Variants in CTNND2 observed in about 807,000 individuals in gnomAD.
CTNND2 encodes catenin delta 2.
In CTNND2, 22 loss-of-function variants were observed where a neutral mutation model predicts 144.4. The ratio of observed to expected loss-of-function variants is 0.15; its 90% CI spans 0.11 to 0.22. CTNND2 has a LOEUF of 0.22. Ranked by LOEUF, CTNND2 falls within the 10% of genes least tolerant of loss-of-function variation. The pLI, the probability that CTNND2 is intolerant of heterozygous loss-of-function variation, is 1.00. For synonymous variants in CTNND2, 751 were observed against 695.6 expected, an observed-to-expected ratio of 1.08 and a Z score of -1.25; for missense variants, 1,353 against 1,618.8, an observed-to-expected ratio of 0.84 and a Z score of 2.82.
chr5:11,756,045 T>C (rs956314183), intron 1 of CTNND2, among the ~76,000 whole-genome samples: 9 of 151,700 alleles, frequency 5.9e-5, no homozygotes, highest in Admixed American at 1.3e-4. Context: ...GTTCTTGTTG[T>C]GGTCTTTCTC....
chr5:11,574,050 A>C (rs1043466727), intron 2 of CTNND2, among the ~76,000 whole-genome samples: 1 of 152,144 alleles, frequency 6.6e-6, no homozygotes, highest in Non-Finnish European at 1.5e-5. Flanking sequence ...ACTCTATCAC[A>C]ATAATCTCTA....
chr5:11,792,373 G>A (rs1220325689), intron 1 of CTNND2, among the ~76,000 whole-genome samples: 1 of 152,100 alleles, frequency 6.6e-6, no homozygotes, highest in Non-Finnish European at 1.5e-5. Flanking sequence ...ATGATTGTTA[G>A]CATAAATTTG....
intron 15 of CTNND2, among the ~76,000 whole-genome samples, chr5:11,092,184 T>TA (rs1750844885): frequency 6.6e-6 from 1 of 152,200 alleles, no homozygotes. Flanking sequence ...AGTGTCTTAC[T>TA]AAAAAACCCC....
chr5:11,520,969 C>G (rs1195797568), intron 3 of CTNND2, among the ~76,000 whole-genome samples: 1 of 152,122 alleles, frequency 6.6e-6, no homozygotes, highest in Non-Finnish European at 1.5e-5. Context: ...AAATAAATCA[C>G]GTTGTGCTAT....
chr5:11,147,525 T>C (rs942475396), intron 12 of CTNND2, among the ~76,000 whole-genome samples: 1 of 152,116 alleles, frequency 6.6e-6, no homozygotes, highest in African/African-American at 2.4e-5. Flanking sequence ...AGGCCAGCTA[T>C]GTCCACACAG....
chr5:11,505,670 A>G (rs750620122), intron 3 of CTNND2, among the ~76,000 whole-genome samples: 3 of 152,172 alleles, frequency 2.0e-5, no homozygotes, highest in Non-Finnish European at 4.4e-5. Context: ...CCATCTGCCC[A>G]TATCTTTTTT....
intron 7 of CTNND2, among the ~76,000 whole-genome samples, chr5:11,380,617 C>T (rs1758385767): frequency 6.6e-6 from 1 of 152,152 alleles, no homozygotes; most frequent in Admixed American, 6.5e-5. Context: ...ATCCAGGGAT[C>T]TTTGGGTTCT....
At chr5:11,130,265 C>G (rs892959648) in intron 12 of CTNND2, among the ~76,000 whole-genome samples, 5 of 152,088 alleles carry the variant, frequency 3.3e-5, no homozygotes, top group South Asian at 2.1e-4. Context: ...CCACACCCCC[C>G]CCATCCACCC....
At chr5:11,389,084 T>C (rs1313299031) in intron 6 of CTNND2, among the ~76,000 whole-genome samples, 5 of 152,338 alleles carry the variant, frequency 3.3e-5, no homozygotes, top group African/African-American at 9.6e-5. Context: ...TTGGAATAGA[T>C]TGGGCCCCAT....
intron 7 of CTNND2, among the ~76,000 whole-genome samples, chr5:11,365,397 C>T (rs1420388403): frequency 6.6e-6 from 1 of 152,160 alleles, no homozygotes; most frequent in East Asian, 1.9e-4. Context: ...AATGTTTGAA[C>T]TTACAACAGC....
intron 15 of CTNND2, among the ~76,000 whole-genome samples, chr5:11,086,984 T>C (rs1750225159): frequency 6.6e-6 from 1 of 152,252 alleles, no homozygotes; most frequent in Admixed American, 6.5e-5. Context: ...ATTATAGTGC[T>C]AAAATTCTGA....
At chr5:11,552,587 C>T (rs1038265600) in intron 3 of CTNND2, among the ~76,000 whole-genome samples, 93 of 152,244 alleles carry the variant, frequency 6.1e-4, no homozygotes, top group African/African-American at 2.0e-3. Flanking sequence ...TACAGGTGAG[C>T]GAAACTGAGA....
At chr5:11,703,655 C>T (rs1446592133) in intron 2 of CTNND2, among the ~76,000 whole-genome samples, 3 of 152,164 alleles carry the variant, frequency 2.0e-5, no homozygotes, top group African/African-American at 4.8e-5. Flanking sequence ...TGTCTCTGCC[C>T]TCAGGGAGTA....
At chr5:11,854,779 G>A (rs1201465673) in intron 1 of CTNND2, among the ~76,000 whole-genome samples, 1 of 152,170 alleles carries the variant, frequency 6.6e-6, no homozygotes, top group East Asian at 1.9e-4. Context: ...ATTTGGCCAC[G>A]AAGTAGTTCT....
At chr5:11,417,129 T>C (rs1203986399) in intron 3 of CTNND2, among the ~76,000 whole-genome samples, 2 of 152,224 alleles carry the variant, frequency 1.3e-5, no homozygotes, top group Non-Finnish European at 2.9e-5. Context: ...TTAATCTTCA[T>C]ATTAAAACTT....
intron 3 of CTNND2, among the ~76,000 whole-genome samples, chr5:11,466,231 G>A (rs948645308): frequency 6.6e-6 from 1 of 152,074 alleles, no homozygotes; most frequent in African/African-American, 2.4e-5. Context: ...TGAACTCCTA[G>A]CCTCAAGTGA....
intron 9 of CTNND2, among the ~76,000 whole-genome samples, chr5:11,322,561 A>G (rs900631296): frequency 7.9e-5 from 12 of 152,114 alleles, no homozygotes; most frequent in Admixed American, 5.9e-4. Flanking sequence ...GGGTTGATTC[A>G]TTTTTCAATA....
chr5:11,240,495 AACAC>A (rs1284888403), intron 9 of CTNND2, among the ~76,000 whole-genome samples: 1 of 95,036 alleles, frequency 1.1e-5, no homozygotes, highest in Non-Finnish European at 2.1e-5. Flanking sequence ...ACACACACCC[AACAC>A]ACACACCCAA....
chr5:11,355,924 GA>G (rs1428055595), intron 8 of CTNND2, among the ~76,000 whole-genome samples: 1 of 151,734 alleles, frequency 6.6e-6, no homozygotes, highest in Non-Finnish European at 1.5e-5. Flanking sequence ...GAAAAATCAG[GA>G]AAATAATTCT....
Sources: gnomAD v4.1 joint callset for allele counts (sites outside exome capture counted in the v4.1 genomes callset) on GRCh38, gnomAD v4.1.1 for gene constraint, MANE v1.5 for transcripts, NCBI Gene and HGNC (gene_info 2026-07-23, HGNC 2026-07-21) for gene names.